The following NR5A1 variants were observed in gnomAD, a reference collection of about 807,000 sequenced individuals.
The protein encoded by NR5A1 is nuclear receptor subfamily 5 group A member 1.
Under a neutral mutation model 42.7 loss-of-function variants are expected in NR5A1, and 6 were observed. The ratio of observed to expected loss-of-function variants is 0.14; its 90% CI spans 0.08 to 0.28. The LOEUF (loss-of-function observed/expected upper bound fraction) is 0.28, where lower values mean the gene tolerates loss of function less well. Ranked by LOEUF, NR5A1 falls within the 10% of genes least tolerant of loss-of-function variation. The pLI is 1.00. For synonymous variants in NR5A1, 274 were observed against 277.5 expected, an observed-to-expected ratio of 0.99 and a Z score of 0.12; for missense variants, 442 against 626.4, an observed-to-expected ratio of 0.71 and a Z score of 3.14.
In NR5A1 at chr9:124,496,384, T is replaced by C. The variant is rs928443871; in HGVS notation, c.871-3235A>G. 1.3e-5 allele frequency among the ~76,000 whole-genome samples: 2 copies of C among 152,024 alleles called. No individual in the cohort carries two copies. Among genetic ancestry groups the C allele is most frequent in the Non-Finnish European group, 2.9e-5 (2 of 67,990 alleles). On this transcript the variant is annotated intron_variant, in intron 4 of 6. Coordinates refer to ENST00000373588, the MANE Select transcript of NR5A1 (RefSeq NM_004959.5). This position sits in a 1 kb window ranked among gnomAD's most constrained non-coding sequence, Gnocchi z 5.0. ...GGCCTCCTTGTCGCCCTGGGAACAA[T>C]GACATTTGCAGCCCCAGCCCTTGGG... is the stretch of plus-strand genomic sequence containing the variant.
intron 6 of NR5A1, among the ~76,000 whole-genome samples, chr9:124,485,623 C>A (rs551069430): frequency 3.3e-5 from 5 of 152,180 alleles, no homozygotes; most frequent in Non-Finnish European, 7.4e-5. Flanking sequence ...CCTGAAGGCA[C>A]CTTTATGCCA....
At chr9:124,494,772 G>A (rs1407816909) in intron 4 of NR5A1, among the ~76,000 whole-genome samples, 1 of 150,874 alleles carries the variant, frequency 6.6e-6, no homozygotes, top group Non-Finnish European at 1.5e-5. Flanking sequence ...ACTCCCCACT[G>A]GGGGCCAGGG....
intron 6 of NR5A1, 46 bp from the exon 7 acceptor site, chr9:124,483,051 C>T: frequency 6.2e-7 from 1 of 1,610,816 alleles, no homozygotes; most frequent in Non-Finnish European, 8.5e-7. Flanking sequence ...CATCCATGCC[C>T]ATCAGGGCTG....
chr9:124,494,173 C>T (rs938890292), intron 4 of NR5A1, among the ~76,000 whole-genome samples: 71 of 152,328 alleles, frequency 4.7e-4, no homozygotes, highest in African/African-American at 1.5e-3. Flanking sequence ...ACACTTCTGG[C>T]GCACCTTCCT....
intron 6 of NR5A1, among the ~76,000 whole-genome samples, chr9:124,484,008 C>T (rs998946571): frequency 2.4e-4 from 36 of 152,316 alleles, no homozygotes; most frequent in African/African-American, 8.4e-4. Context: ...GCCTGACCTG[C>T]TGCACATCAC....
intron 6 of NR5A1, among the ~76,000 whole-genome samples, chr9:124,486,344 A>G (rs1832209057): frequency 6.6e-6 from 1 of 152,192 alleles, no homozygotes; most frequent in Admixed American, 6.5e-5. Flanking sequence ...TCATCTCAGC[A>G]GACATCCAGA....
At chr9:124,495,995 C>T (rs555837676) in intron 4 of NR5A1, among the ~76,000 whole-genome samples, 7 of 152,266 alleles carry the variant, frequency 4.6e-5, no homozygotes, top group South Asian at 2.1e-4. Context: ...TTGGTTAAAA[C>T]GTAAGAACAC....
At chr9:124,491,015 T>TCTGGCCCC in intron 6 of NR5A1, 66 bp downstream of exon 6, 2 of 634,816 alleles carry the variant, frequency 3.2e-6, no homozygotes, top group Non-Finnish European at 2.8e-6. Context: ...CTCTCCAGCC[T>TCTGGCCCC]CACCCACCCT....
chr9:124,502,712 G>A (rs1588623125), intron 3 of NR5A1, among the ~76,000 whole-genome samples: 1 of 152,350 alleles, frequency 6.6e-6, no homozygotes, highest in Non-Finnish European at 1.5e-5. Flanking sequence ...GACAGTGCGG[G>A]CACTGGGACT....
chr9:124,487,559 C>A (rs1002699963), intron 6 of NR5A1, among the ~76,000 whole-genome samples: 1 of 152,250 alleles, frequency 6.6e-6, no homozygotes, highest in Non-Finnish European at 1.5e-5. Context: ...CCTCCCGAGA[C>A]GGCTATTTAG....
chr9:124,506,785 G>T (rs1252607895), intron 1 of NR5A1, among the ~76,000 whole-genome samples: 2 of 152,192 alleles, frequency 1.3e-5, no homozygotes, highest in East Asian at 1.9e-4. Context: ...CCCACCCAGG[G>T]AGGGAAGCCT....
chr9:124,502,555 C>T (rs909433842), intron 3 of NR5A1, among the ~76,000 whole-genome samples: 6 of 152,332 alleles, frequency 3.9e-5, no homozygotes, highest in Middle Eastern at 3.4e-3. Flanking sequence ...TCTTAAACTT[C>T]TGGGCTCAAG....
chr9:124,486,449 A>T (rs1832211018), intron 6 of NR5A1, among the ~76,000 whole-genome samples: 1 of 152,194 alleles, frequency 6.6e-6, no homozygotes. Flanking sequence ...AGTCTCTCTG[A>T]CACCAAAGCC....
intron 6 of NR5A1, among the ~76,000 whole-genome samples, chr9:124,484,908 G>A (rs1160738832): frequency 6.6e-6 from 1 of 152,206 alleles, no homozygotes; most frequent in East Asian, 1.9e-4. Flanking sequence ...GTGCACCAAT[G>A]ATTGAACAGA....
intron 6 of NR5A1, 49 bp downstream of exon 6, chr9:124,491,032 C>CCCCCCCCCCCCCGGGGGGGG: frequency 7.9e-7 from 1 of 1,258,250 alleles, no homozygotes; most frequent in Non-Finnish European, 1.1e-6. Context: ...CCCTCCCACC[C>CCCCCCCCCCCCCGGGGGGGG]ACCCGCCTCT....
chr9:124,503,065 C>T lies in NR5A1; in HGVS notation c.244+14G>A, dbSNP rs745480776. Reference sequence around the variant, plus strand: ...CTGTGGGGGGTCAGGGGTCGAGGCCCGCGCGGCGCGCACCTTCCAGGCGCA... The same window carrying T: ...CTGTGGGGGGTCAGGGGTCGAGGCCTGCGCGGCGCGCACCTTCCAGGCGCA... On this transcript the variant is annotated intron_variant, in intron 3 of 6. Coordinates refer to ENST00000373588, the MANE Select transcript of NR5A1 (RefSeq NM_004959.5). The surrounding 1 kb of genome is among the most constrained non-coding windows in gnomAD (Gnocchi z 9.6). 4 of 1,561,310 alleles carry T rather than the reference C, an allele frequency of 2.6e-6. No individual in the cohort carries two copies. The highest frequency in any genetic ancestry group is 3.7e-5 in the Admixed American group (2 of 53,962).
At chr9:124,492,788 C>T (rs190052113) in intron 5 of NR5A1, among the ~76,000 whole-genome samples, 1 of 152,378 alleles carries the variant, frequency 6.6e-6, no homozygotes, top group Non-Finnish European at 1.5e-5. Context: ...CATGCCCACA[C>T]CCCCTGAGCT....
At chr9:124,499,491 G>A (rs1012463516) in intron 4 of NR5A1, among the ~76,000 whole-genome samples, 4 of 152,200 alleles carry the variant, frequency 2.6e-5, no homozygotes, top group African/African-American at 9.7e-5. Flanking sequence ...GAGGCAGGAG[G>A]ATCTTTCACC....
intron 6 of NR5A1, among the ~76,000 whole-genome samples, chr9:124,490,812 A>G (rs1832296131): frequency 6.6e-6 from 1 of 152,174 alleles, no homozygotes; most frequent in Non-Finnish European, 1.5e-5. Context: ...GGGATTAGAG[A>G]AAACAGGGAC....
Sources: gnomAD v4.1 joint callset for allele counts (sites outside exome capture counted in the v4.1 genomes callset) on GRCh38, gnomAD v4.1.1 for gene constraint, Gnocchi (gnomAD v3.1) non-coding constraint, MANE v1.5 for transcripts, NCBI Gene and HGNC (gene_info 2026-07-23, HGNC 2026-07-21) for gene names.